Variants in ABCA13 observed in about 807,000 individuals in gnomAD.
The protein encoded by ABCA13 is ATP-binding cassette sub-family A member 13.
In ABCA13, 476 loss-of-function variants were observed where a neutral mutation model predicts 478.7. The observed-to-expected ratio is 0.99, with a 90% CI of 0.92 to 1.07. ABCA13 has a LOEUF of 1.07. Among genes scored for constraint, ABCA13 ranks in the 50% least tolerant of loss-of-function variants. ABCA13 has a pLI of 0.00. For synonymous variants in ABCA13, 2,252 were observed against 2,158.9 expected (o/e 1.04, Z -1.20); for missense variants, 6,060 against 5,910.6 (o/e 1.03, Z -0.83).
At chr7:48,366,764 G>A (rs926178564) in intron 31 of ABCA13, among the ~76,000 whole-genome samples, 3 of 152,098 alleles carry the variant, frequency 2.0e-5, no homozygotes, top group African/African-American at 7.2e-5. Flanking sequence ...TGAGTGTGGA[G>A]ACCCCATAAC....
Position 48,278,083 on chromosome 7 carries a change from TATA to T in ABCA13, c.6900-10_6900-8del. 3.9e-6 allele frequency: 4 copies of T among 1,015,358 alleles called. No homozygotes were observed. The highest frequency in any genetic ancestry group is 3.0e-5 in the South Asian group (1 of 33,822). The allele number at this position is 1,015,358 out of a possible 1,614,324, so 62.9% of individuals were successfully genotyped here. On this transcript the variant is annotated splice_polypyrimidine_tract_variant and splice_region_variant and intron_variant, in intron 17 of 61. Coordinates refer to ENST00000435803, the MANE Select transcript of ABCA13 (RefSeq NM_152701.5). ...ATTAAATTAAAAGTATATATATATATATATTTACAGTTTTGTCCCAAAAGATAA... is the reference window on the plus strand; with the variant it reads ...ATTAAATTAAAAGTATATATATATATTTTACAGTTTTGTCCCAAAAGATAA...
chr7:48,518,175 C>T (rs576553553), intron 52 of ABCA13, among the ~76,000 whole-genome samples: 20 of 152,232 alleles, frequency 1.3e-4, no homozygotes, highest in African/African-American at 4.3e-4. Context: ...CATTGATTGG[C>T]TTTAGCTTGA....
At chr7:48,487,751 A>G (rs1326245544) in intron 47 of ABCA13, among the ~76,000 whole-genome samples, 1 of 152,028 alleles carries the variant, frequency 6.6e-6, no homozygotes, top group Non-Finnish European at 1.5e-5. Flanking sequence ...AGTTTCTATC[A>G]TTTCCAGAAA....
intron 51 of ABCA13, among the ~76,000 whole-genome samples, chr7:48,513,519 A>G (rs1039263657): frequency 2.6e-5 from 4 of 152,182 alleles, no homozygotes; most frequent in African/African-American, 4.8e-5. Flanking sequence ...TTTGATGTAT[A>G]TTTACCGCTA....
Position 48,273,207 on chromosome 7 carries a change from C to A in ABCA13, c.3541C>A (p.Gln1181Lys). Reference protein sequence around the residue: ...VFTSLHHGFTQLLDELEDDVK... With the variant: ...VFTSLHHGFTKLLDELEDDVK... Reference sequence around the variant, plus strand: ...CACATCTCTTCATCATGGTTTCACTCAGCTTTTGGATGAATTGGAAGATGA... The same window carrying A: ...CACATCTCTTCATCATGGTTTCACTAAGCTTTTGGATGAATTGGAAGATGA... Residue 1181 changes from glutamine (Q) to lysine (K), a missense_variant, in exon 17 of 62, where the codon CAG becomes AAG. Around this residue, in one of 3 missense-constraint regions of ABCA13, gnomAD observed 4,423 missense variants for 4,309.1 expected, o/e 1.03. Coordinates refer to ENST00000435803, the MANE Select transcript of ABCA13 (RefSeq NM_152701.5). 41 of 1,613,632 alleles carry A rather than the reference C, an allele frequency of 2.5e-5. No individual in the cohort carries two copies. Among genetic ancestry groups the A allele is most frequent in the Non-Finnish European group, 3.4e-5 (40 of 1,179,724 alleles).
chr7:48,190,707 G>T (rs1796989703), intron 1 of ABCA13, among the ~76,000 whole-genome samples: 1 of 152,116 alleles, frequency 6.6e-6, no homozygotes, highest in Non-Finnish European at 1.5e-5. Context: ...TCCTACGGTG[G>T]AATATTATGT....
intron 58 of ABCA13, among the ~76,000 whole-genome samples, chr7:48,607,506 CTCTT>C (rs1456953417): frequency 6.6e-6 from 1 of 152,188 alleles, no homozygotes; most frequent in Middle Eastern, 3.2e-3. Context: ...TGCCAGCTCT[CTCTT>C]TAATTCTTTA....
intron 35 of ABCA13, among the ~76,000 whole-genome samples, chr7:48,380,807 A>G (rs1814232131): frequency 1.3e-5 from 2 of 152,242 alleles, no homozygotes; most frequent in South Asian, 4.1e-4. Context: ...TAGCCATAGT[A>G]AAGGACTCAC....
chr7:48,239,285 G>A lies in ABCA13; in HGVS notation c.942G>A (p.Leu314=). 1 of 1,613,954 alleles carries A rather than the reference G, an allele frequency of 6.2e-7. No homozygotes were observed. The highest frequency in any genetic ancestry group is 8.5e-7 in the Non-Finnish European group (1 of 1,179,870). ...TSLEKMVCSV[L]SSTSEDEAEK... is the part of the protein sequence containing the mutation. ...TGGAGAAGATGGTGTGTTCAGTCTT[G>A]TCTAGCACATCAGAGGATGAAGCTG... The change falls in exon 9 of 62, where the codon TTG becomes TTA. Residue 314 remains leucine (L), a synonymous_variant. Coordinates refer to ENST00000435803, the MANE Select transcript of ABCA13 (RefSeq NM_152701.5).
intron 15 of ABCA13, among the ~76,000 whole-genome samples, chr7:48,264,411 G>C (rs1794607047): frequency 1.3e-5 from 2 of 151,838 alleles, no homozygotes; most frequent in African/African-American, 4.8e-5. Flanking sequence ...CAGTGCATGA[G>C]AGTTAAAATA....
chr7:48,588,768 A>G (rs754534308), intron 57 of ABCA13, among the ~76,000 whole-genome samples: 6 of 152,200 alleles, frequency 3.9e-5, no homozygotes, highest in Non-Finnish European at 8.8e-5. Context: ...GACTATGATG[A>G]TGGTTACTGT....
At chr7:48,494,649 G>A (rs1830120396) in intron 48 of ABCA13, among the ~76,000 whole-genome samples, 1 of 152,134 alleles carries the variant, frequency 6.6e-6, no homozygotes, top group Non-Finnish European at 1.5e-5. Context: ...CATACCTTGA[G>A]AGGGTGTTTT....
At chr7:48,322,328 T>A (rs143394271) in intron 27 of ABCA13, among the ~76,000 whole-genome samples, 1 of 152,316 alleles carries the variant, frequency 6.6e-6, no homozygotes, top group East Asian at 1.9e-4. Context: ...AGTTTTTCAG[T>A]AACCTTGTGT....
intron 24 of ABCA13, among the ~76,000 whole-genome samples, chr7:48,311,507 A>G (rs1801772333): frequency 6.6e-6 from 1 of 152,132 alleles, no homozygotes; most frequent in Admixed American, 6.5e-5. Context: ...GCACGATGCT[A>G]CTTTAGTGGC....
intron 30 of ABCA13, among the ~76,000 whole-genome samples, chr7:48,351,583 C>G (rs908098839): frequency 6.6e-6 from 1 of 152,120 alleles, no homozygotes; most frequent in Non-Finnish European, 1.5e-5. Context: ...AAGTTTCCCT[C>G]TTTTTATAAA....
At position 48,422,787 on chromosome 7, in the gene ABCA13, G is replaced by A. The variant is rs576584351; in HGVS notation, c.12460-4979G>A. ...GCAGGAGATATCCCAAATTATCTGG[G>A]TGGACTTGATGTAATCAAAAGGATA... On this transcript the variant is annotated intron_variant, in intron 41 of 61. Transcript: ENST00000435803. Among the ~76,000 whole-genome samples, 6 of 152,348 alleles carry A rather than the reference G, an allele frequency of 3.9e-5. No homozygotes were observed. In the East Asian group the frequency reaches 1.2e-3, roughly 29 times the overall value.
intron 59 of ABCA13, among the ~76,000 whole-genome samples, chr7:48,632,482 A>G (rs1042978641): frequency 1.4e-4 from 21 of 152,120 alleles, no homozygotes; most frequent in African/African-American, 4.8e-4. Flanking sequence ...CCAAGGATTC[A>G]TTGCCAAATC....
In ABCA13 at chr7:48,524,335, C is replaced by A. The variant is rs1832748763; in HGVS notation, c.14139C>A (p.Thr4713=). Residue 4713 remains threonine, a synonymous_variant, in exon 54 of 62, where the codon ACC becomes ACA. Coordinates refer to ENST00000435803, the MANE Select transcript of ABCA13 (RefSeq NM_152701.5). ...AAAAGAGAGTGTTTGAAGGAAGGACCAATGGAGACATTCTTGTGTTATACA... is the reference window on the plus strand; with the variant it reads ...AAAAGAGAGTGTTTGAAGGAAGGACAAATGGAGACATTCTTGTGTTATACA... ...KEEKRVFEGR[T]NGDILVLYNL... 4 of 1,613,076 alleles carry A rather than the reference C, an allele frequency of 2.5e-6. No homozygotes were observed. The South Asian group carries it at 3.3e-5, about 13-fold the overall frequency.
At chr7:48,263,074 C>G (rs1794404428) in intron 15 of ABCA13, among the ~76,000 whole-genome samples, 1 of 151,902 alleles carries the variant, frequency 6.6e-6, no homozygotes, top group Non-Finnish European at 1.5e-5. Flanking sequence ...TTGCTTACAT[C>G]TTTGCTACTC....
Sources: allele counts gnomAD v4.1 joint callset (sites outside exome capture counted in the v4.1 genomes callset), GRCh38; gene constraint gnomAD v4.1.1; regional missense constraint gnomAD v4.1.1; transcripts MANE v1.5; gene names NCBI Gene and HGNC (gene_info 2026-07-23, HGNC 2026-07-21).